The following PTPRF variants were observed in gnomAD, a reference collection of about 807,000 sequenced individuals.
PTPRF encodes the protein protein tyrosine phosphatase receptor type F, also known as receptor-type tyrosine-protein phosphatase F.
In PTPRF, 59 loss-of-function variants were observed where a neutral mutation model predicts 201.8. The ratio of observed to expected loss-of-function variants is 0.29; its 90% CI spans 0.24 to 0.36. The LOEUF is 0.36. PTPRF is among the 10% of genes least tolerant of loss of function. The pLI is 1.00. For synonymous variants in PTPRF, 1,088 were observed against 1,089.7 expected (o/e 1.00, Z 0.03); for missense variants, 2,132 against 2,690.5 (o/e 0.79, Z 4.59).
intron 7 of PTPRF, chr1:43,583,128 C>T (rs879151265): frequency 1.5e-5 from 15 of 982,210 alleles, no homozygotes; most frequent in South Asian, 9.4e-5. Flanking sequence ...ATCTACAGTT[C>T]GCCCATCGAT....
upstream of PTPRF, among the ~76,000 whole-genome samples, chr1:43,525,768 G>T (rs576782793): frequency 8.2e-6 from 1 of 122,080 alleles, no homozygotes; most frequent in Admixed American, 1.1e-4. Context: ...TGGCGCCACT[G>T]CCCTCCAGCC....
rs79857290 is a variant in PTPRF, at chr1:43,536,613, C to T, written c.-125-1585C>T. ...TCTGCACAATGGTGCAGCCAAAAAC[C>T]TCACTTGAATACTGTGAGGCCCTGC... On this transcript the variant is annotated intron_variant, in intron 1 of 33. Transcript: ENST00000359947. Among the ~76,000 whole-genome samples, 740 of 152,348 alleles carry T rather than the reference C, an allele frequency of 4.9e-3. 30 individuals are homozygous for T. In the East Asian group the frequency reaches 0.1, roughly 21 times the overall value.
At chr1:43,620,619 C>G in intron 31 of PTPRF, 40 bp downstream of exon 31, 1 of 1,601,540 alleles carries the variant, frequency 6.2e-7, no homozygotes, top group Non-Finnish European at 8.5e-7. Context: ...CGCTGCCTGT[C>G]CACACGCTGG....
chr1:43,548,259 T>A (rs1259600271), intron 3 of PTPRF, among the ~76,000 whole-genome samples: 1 of 149,982 alleles, frequency 6.7e-6, no homozygotes, highest in Non-Finnish European at 1.5e-5. Context: ...CAGGTGGGAG[T>A]GAGACCCTGG....
intron 5 of PTPRF, among the ~76,000 whole-genome samples, chr1:43,566,290 C>A (rs193170417): frequency 2.6e-4 from 40 of 152,344 alleles, no homozygotes; most frequent in African/African-American, 9.6e-4. Flanking sequence ...TCTCTCTCAG[C>A]CCCTGGTTGC....
At chr1:43,607,163 G>T (rs758729452) in intron 21 of PTPRF, among the ~76,000 whole-genome samples, 195 bp downstream of exon 21, 7 of 152,226 alleles carry the variant, frequency 4.6e-5, no homozygotes, top group Non-Finnish European at 1.0e-4. Flanking sequence ...GTCAGGTGAG[G>T]GAGCCTCTGC....
chr1:43,607,040 G>A, intron 21 of PTPRF, 72 bp downstream of exon 21: 1 of 1,570,460 alleles, frequency 6.4e-7, no homozygotes, highest in Non-Finnish European at 8.6e-7. Context: ...CGGGTGTGGT[G>A]CCTGTGGAGA....
At chr1:43,535,709 A>G (rs1435585996) in intron 1 of PTPRF, among the ~76,000 whole-genome samples, 1 of 152,138 alleles carries the variant, frequency 6.6e-6, no homozygotes, top group African/African-American at 2.4e-5. Context: ...CTTTCTTGAT[A>G]TTGGACATGA....
chr1:43,597,626 G>T, intron 11 of PTPRF, 122 bp from the exon 12 acceptor site: 1 of 733,368 alleles, frequency 1.4e-6, no homozygotes, highest in South Asian at 1.8e-5. Flanking sequence ...ACCCTGGGAT[G>T]GCCATTTCAG....
intron 6 of PTPRF, among the ~76,000 whole-genome samples, chr1:43,570,871 G>A (rs1325283040): frequency 6.6e-6 from 1 of 152,218 alleles, no homozygotes; most frequent in African/African-American, 2.4e-5. Context: ...CATAATCAAG[G>A]CAGCAAACGG....
At chr1:43,589,167 A>T (rs1253326633) in intron 8 of PTPRF, among the ~76,000 whole-genome samples, 167 bp downstream of exon 8, 1 of 149,846 alleles carries the variant, frequency 6.7e-6, no homozygotes, top group Non-Finnish European at 1.5e-5. Context: ...GGAGGGAGGG[A>T]TTTCTGTTAT....
Position 43,554,963 on chromosome 1 carries a change from C to T in PTPRF, c.379+1022C>T, listed in dbSNP as rs1645257808. Reference sequence around the variant, plus strand: ...CTGCCTCCCGGGTTCAAGCGATTCTCCTGCCCGGCCTCCCAAGTAGCTGGG... The same window carrying T: ...CTGCCTCCCGGGTTCAAGCGATTCTTCTGCCCGGCCTCCCAAGTAGCTGGG... On this transcript the variant is annotated intron_variant, in intron 5 of 33. Coordinates refer to ENST00000359947, the MANE Select transcript of PTPRF (RefSeq NM_002840.5). This position sits in a 1 kb window ranked among gnomAD's most constrained non-coding sequence, Gnocchi z 4.1. Among the ~76,000 whole-genome samples the T allele has an allele frequency of 6.6e-6, 1 of 151,346 alleles. No homozygotes were observed. The highest frequency in any genetic ancestry group is 2.4e-5 in the African/African-American group (1 of 41,118).
Position 43,560,013 on chromosome 1 carries a change from A to G in PTPRF, c.379+6072A>G, listed in dbSNP as rs567103708. The stretch of plus-strand genomic sequence containing the variant: ...GTGGTGTGTAGCAGGCTGTGTATGT[A>G]TCAGGCAGTGTGTGTGTGCGCAGCG... On this transcript the variant is annotated intron_variant, in intron 5 of 33. Transcript: ENST00000359947. Among the ~76,000 whole-genome samples, 4 of 144,590 alleles carry G rather than the reference A, an allele frequency of 2.8e-5. No homozygotes were observed. In the South Asian group the frequency reaches 8.9e-4, roughly 32 times the overall value. The allele number at this position is 144,590 out of a possible 152,430, so 94.9% of individuals were successfully genotyped here. A position where few individuals can be genotyped will look rare whatever the true frequency, so the allele number is the denominator to read the frequency against.
At chr1:43,530,819 C>CGGCAGG (rs1426392975), upstream of PTPRF, 45 of 152,138 alleles carry the variant, frequency 3.0e-4, no homozygotes, top group African/African-American at 1.0e-3. This position sits in a 1 kb window ranked among gnomAD's most constrained non-coding sequence, Gnocchi z 4.1. Context: ...GGGGCGCGCA[C>CGGCAGG]GGCAGGGGCA....
intron 6 of PTPRF, among the ~76,000 whole-genome samples, chr1:43,577,857 C>T (rs1351698784): frequency 6.6e-6 from 1 of 152,180 alleles, no homozygotes; most frequent in Non-Finnish European, 1.5e-5. Context: ...GGTGTGCTGC[C>T]TGTGCCCGGG....
At position 43,618,722 on chromosome 1, in the gene PTPRF, C is replaced by G; in HGVS notation, c.4464C>G (p.Tyr1488Ter). 1 of 1,610,908 alleles carries G rather than the reference C, an allele frequency of 6.2e-7. No homozygotes were observed. The highest frequency in any genetic ancestry group is 8.5e-7 in the Non-Finnish European group (1 of 1,177,398). Residue 1488 changes from tyrosine to a stop codon, truncating the protein, a stop_gained, in exon 26 of 34, where the codon TAC becomes TAG. Coordinates refer to ENST00000359947, the MANE Select transcript of PTPRF (RefSeq NM_002840.5). LOFTEE classifies it high-confidence loss of function. ...TLLDTVELAT[Y>*]TVRTFALHKS... ...TGGACACAGTGGAGCTGGCCACATACACTGTGCGCACCTTCGCACTCCACA... is the reference window on the plus strand; with the variant it reads ...TGGACACAGTGGAGCTGGCCACATAGACTGTGCGCACCTTCGCACTCCACA...
intron 7 of PTPRF, chr1:43,579,769 G>A (rs1647188680): frequency 6.5e-6 from 1 of 153,258 alleles, no homozygotes; most frequent in South Asian, 2.1e-4. Flanking sequence ...TGTACAGATG[G>A]ATGTCATTAA....
At chr1:43,560,046 T>C (rs1214980887) in intron 5 of PTPRF, among the ~76,000 whole-genome samples, 1 of 148,854 alleles carries the variant, frequency 6.7e-6, no homozygotes, top group African/African-American at 2.5e-5. Flanking sequence ...GCGGGTAGTT[T>C]GCAGGGGTGT....
At chr1:43,583,101 C>T in intron 7 of PTPRF, 2 of 985,504 alleles carry the variant, frequency 2.0e-6, no homozygotes, top group Non-Finnish European at 2.4e-6. Flanking sequence ...AAGGTTGGTC[C>T]TTTTCACTTC....
Sources: allele counts gnomAD v4.1 joint callset (sites outside exome capture counted in the v4.1 genomes callset), GRCh38; gene constraint gnomAD v4.1.1; non-coding constraint Gnocchi (gnomAD v3.1); transcripts MANE v1.5; gene names NCBI Gene and HGNC (gene_info 2026-07-23, HGNC 2026-07-21).